Variants in ATRN observed in about 807,000 individuals in gnomAD.
ATRN encodes the protein attractin.
A neutral mutation model predicts 178.7 loss-of-function variants in ATRN; 54 were observed. The ratio of observed to expected loss-of-function variants is 0.30; its 90% CI spans 0.24 to 0.38. ATRN has a LOEUF of 0.38. ATRN is among the 10% of genes least tolerant of loss of function. The probability of loss-of-function intolerance (pLI) is 1.00; values close to 1 mark genes in which losing one functional copy is unlikely to be tolerated. For missense variants in ATRN, 1,443 were observed against 1,815.1 expected (o/e 0.79, Z 3.73); for synonymous variants, 636 against 663.0 (o/e 0.96, Z 0.63).
At chr20:3,539,776 C>G (rs1264646341) in intron 2 of ATRN, among the ~76,000 whole-genome samples, 2 of 148,298 alleles carry the variant, frequency 1.3e-5, no homozygotes, top group African/African-American at 5.0e-5. Context: ...CTTTTTTTTT[C>G]CTGGTTCAAT....
At chr20:3,532,120 G>C (rs183421541) in intron 1 of ATRN, among the ~76,000 whole-genome samples, 2 of 152,116 alleles carry the variant, frequency 1.3e-5, no homozygotes, top group African/African-American at 4.8e-5. Flanking sequence ...GTCAGTGTGA[G>C]ATTCTGTCTC....
At chr20:3,507,251 C>G (rs1320314421) in intron 1 of ATRN, among the ~76,000 whole-genome samples, 2 of 150,952 alleles carry the variant, frequency 1.3e-5, no homozygotes, top group East Asian at 3.9e-4. Flanking sequence ...CTAAAAAATA[C>G]AAAAAAAATT....
intron 1 of ATRN, among the ~76,000 whole-genome samples, chr20:3,519,191 G>A (rs1221801200): frequency 6.6e-6 from 1 of 151,888 alleles, no homozygotes; most frequent in African/African-American, 2.4e-5. Context: ...TCTCTACAAG[G>A]CCAGTGTATT....
In ATRN at chr20:3,597,943, A is replaced by G. The variant is rs754774683; in HGVS notation, c.3507A>G (p.Leu1169=). The G allele has an allele frequency of 8.6e-5, 139 of 1,612,148 alleles. 1 individual carries two copies. Among genetic ancestry groups the G allele is most frequent in the Non-Finnish European group, 1.1e-4 (131 of 1,178,556 alleles). ...LLIDYQFTFS[L]SQEDDRYYTA... is the part of the protein sequence containing the mutation. The stretch of plus-strand genomic sequence containing the variant: ...TTGACTATCAGTTCACCTTTAGTCT[A>G]TCCCAGGAAGATGATCGCTATTACA... The change falls in exon 22 of 29, where the codon CTA becomes CTG. Residue 1169 remains leucine, a synonymous_variant. Coordinates refer to ENST00000262919, the MANE Select transcript of ATRN (RefSeq NM_139321.3).
rs531109812 is a variant in ATRN, at chr20:3,611,617, C to G, written c.3801+7355C>G. 4.5e-4 allele frequency among the ~76,000 whole-genome samples: 68 copies of G among 152,272 alleles called. 1 individual carries two copies. Among genetic ancestry groups the G allele is most frequent in the South Asian group, 3.1e-3 (15 of 4,804 alleles). The stretch of plus-strand genomic sequence containing the variant: ...ATTAGCCAGGCATGGTGGCACATGC[C>G]TATAGTCCCAGCTACTCAGGATACT... On this transcript the variant is annotated intron_variant, in intron 24 of 28. Coordinates refer to ENST00000262919, the MANE Select transcript of ATRN (RefSeq NM_139321.3).
At chr20:3,517,930 C>T (rs2085228794) in intron 1 of ATRN, among the ~76,000 whole-genome samples, 1 of 152,092 alleles carries the variant, frequency 6.6e-6, no homozygotes, top group African/African-American at 2.4e-5. Flanking sequence ...TACAGGTGGC[C>T]TCTTTGCACA....
chr20:3,561,015 A>T (rs1431765545), intron 8 of ATRN, 110 bp downstream of exon 8: 1 of 1,359,250 alleles, frequency 7.4e-7, no homozygotes, highest in African/African-American at 1.4e-5. Context: ...TCGGTACTTT[A>T]TCTTGAAACA....
chr20:3,562,505 A>G (rs753175761), intron 9 of ATRN, 46 bp downstream of exon 9: 3 of 1,584,178 alleles, frequency 1.9e-6, no homozygotes, highest in Non-Finnish European at 2.6e-6. Flanking sequence ...TAAATTCTGT[A>G]GAGGCAATTG....
At chr20:3,561,518 G>GA (rs927932493) in intron 8 of ATRN, among the ~76,000 whole-genome samples, 1 of 151,828 alleles carries the variant, frequency 6.6e-6, no homozygotes, top group South Asian at 2.1e-4. Context: ...AAATATTGAA[G>GA]AAAAAAAATA....
At chr20:3,596,712 AACTTT>A (rs5840002) in intron 21 of ATRN, among the ~76,000 whole-genome samples, 113,696 of 151,148 alleles carry the variant, frequency 0.75, 43,183 homozygotes, top group East Asian at 1. Context: ...GTTCTCTTAA[AACTTT>A]ACTTTATTTG....
At chr20:3,483,408 G>A (rs1003517171) in intron 1 of ATRN, among the ~76,000 whole-genome samples, 2 of 152,098 alleles carry the variant, frequency 1.3e-5, no homozygotes, top group African/African-American at 4.8e-5. Context: ...GTGCAGTGAT[G>A]TAATCACCGC....
At position 3,549,235 on chromosome 20, in the gene ATRN, T is replaced by A. The variant is rs1327851781; in HGVS notation, c.1009T>A (p.Leu337Ile). Reference sequence around the variant, plus strand: ...TTGGACTCGAGAGGAATATTCTAACTTAAAGCTCCCCAGAGCATCTCATAA... The same window carrying A: ...TTGGACTCGAGAGGAATATTCTAACATAAAGCTCCCCAGAGCATCTCATAA... ...SFWTREEYSNLKLPRASHKAV... is the reference protein window; with the variant it reads ...SFWTREEYSNIKLPRASHKAV... Residue 337 changes from leucine to isoleucine, a missense_variant, in exon 6 of 29, where the codon TTA becomes ATA. Leu to Ile is a conservative substitution (Grantham distance 5). Coordinates refer to ENST00000262919, the MANE Select transcript of ATRN (RefSeq NM_139321.3). 2 of 1,611,098 alleles carry A rather than the reference T, an allele frequency of 1.2e-6. No individual in the cohort carries two copies. Among genetic ancestry groups the A allele is most frequent in the East Asian group, 4.5e-5 (2 of 44,704 alleles).
At chr20:3,618,040 C>T (rs1392402894) in intron 24 of ATRN, among the ~76,000 whole-genome samples, 1 of 152,156 alleles carries the variant, frequency 6.6e-6, no homozygotes, top group Non-Finnish European at 1.5e-5. Context: ...CCTGGGAAGC[C>T]GCCCTTCAGT....
At chr20:3,475,838 G>A (rs1010254897) in intron 1 of ATRN, among the ~76,000 whole-genome samples, 1 of 152,168 alleles carries the variant, frequency 6.6e-6, no homozygotes, top group Non-Finnish European at 1.5e-5. Context: ...TCTGTTTTGT[G>A]CCCAGCACAT....
Position 3,632,372 on chromosome 20 carries a change from G to A in ATRN, c.3864-1939G>A, listed in dbSNP as rs754319805. Among the ~76,000 whole-genome samples, 2 of 152,002 alleles carry A rather than the reference G, an allele frequency of 1.3e-5. No homozygotes were observed. The highest frequency in any genetic ancestry group is 2.9e-5 in the Non-Finnish European group (2 of 68,016). On this transcript the variant is annotated intron_variant, in intron 25 of 28. Coordinates refer to ENST00000262919, the MANE Select transcript of ATRN (RefSeq NM_139321.3). This position sits in a 1 kb window ranked among gnomAD's most constrained non-coding sequence, Gnocchi z 4.2. ...CCAATGCCCTCATAATGCTTGCAGT[G>A]CCCCACATGATCTGCCCTTCACCCT... is the stretch of plus-strand genomic sequence containing the variant.
chr20:3,588,976 C>CTTTTTTTTTTT (rs1375444238), intron 18 of ATRN, among the ~76,000 whole-genome samples: 2 of 57,628 alleles, frequency 3.5e-5, no homozygotes, highest in African/African-American at 1.1e-4. Context: ...GTAGTATTTT[C>CTTTTTTTTTTT]TTTTGTTTTT....
chr20:3,512,107 A>ATATTTTT, intron 1 of ATRN, among the ~76,000 whole-genome samples: 3 of 106,392 alleles, frequency 2.8e-5, no homozygotes, highest in African/African-American at 4.4e-5. Context: ...ATATATATAT[A>ATATTTTT]TTTTTTTTTT....
At chr20:3,490,889 A>T in intron 1 of ATRN, 1 of 992,926 alleles carries the variant, frequency 1.0e-6, no homozygotes. Flanking sequence ...GCATGGCCTG[A>T]GTGCGGTGAT....
chr20:3,511,102 C>G (rs1478325979), intron 1 of ATRN, among the ~76,000 whole-genome samples: 1 of 152,022 alleles, frequency 6.6e-6, no homozygotes, highest in Non-Finnish European at 1.5e-5. Context: ...TGAGATACAG[C>G]TAATGGCATT....
Sources: gnomAD v4.1 joint callset for allele counts (sites outside exome capture counted in the v4.1 genomes callset) on GRCh38, gnomAD v4.1.1 for gene constraint, Gnocchi (gnomAD v3.1) non-coding constraint, MANE v1.5 for transcripts, NCBI Gene and HGNC (gene_info 2026-07-23, HGNC 2026-07-21) for gene names.